The following LEPR variants were observed in gnomAD, a reference collection of about 807,000 sequenced individuals.
LEPR encodes the protein OB receptor.
LEPR carries 56 observed loss-of-function variants against 114.7 expected under a neutral mutation model. That is an observed-to-expected ratio of 0.49 (90% CI 0.39 to 0.61). The LOEUF (loss-of-function observed/expected upper bound fraction) is 0.61. LEPR is among the 20% of genes least tolerant of loss of function. The pLI is 0.00. For missense variants in LEPR, 1,202 were observed against 1,352.9 expected (o/e 0.89, Z 1.75); for synonymous variants, 443 against 461.4 (o/e 0.96, Z 0.51).
At chr1:65,426,894 A>G (rs1367738818) in intron 2 of LEPR, among the ~76,000 whole-genome samples, 1 of 152,164 alleles carries the variant, frequency 6.6e-6, no homozygotes, top group African/African-American at 2.4e-5. Context: ...GCTACTTAGG[A>G]GGCTGAGGCA....
intron 14 of LEPR, among the ~76,000 whole-genome samples, chr1:65,610,581 A>G (rs1240437447): frequency 1.3e-5 from 2 of 152,218 alleles, no homozygotes; most frequent in African/African-American, 4.8e-5. Flanking sequence ...TCATCTGTGT[A>G]AATGTAATAT....
chr1:65,452,513 C>T (rs1438087287), intron 2 of LEPR, among the ~76,000 whole-genome samples: 4 of 152,032 alleles, frequency 2.6e-5, no homozygotes, highest in Non-Finnish European at 4.4e-5. Context: ...TGTCAAATGC[C>T]TTTTCTGCAT....
In LEPR at chr1:65,525,612, C is replaced by T. The variant is rs979410345; in HGVS notation, c.-20-39934C>T. The stretch of plus-strand genomic sequence containing the variant: ...ACCCGACTCTTCCCTCCCTTCTCCC[C>T]ACCCCAGCCTGCTCCTGCTCAGCCC... On this transcript the variant is annotated intron_variant, in intron 2 of 19. Coordinates refer to ENST00000349533, the MANE Select transcript of LEPR (RefSeq NM_002303.6). 6.1e-6 allele frequency: 6 copies of T among 985,468 alleles called. No homozygotes were observed. The African/African-American group carries it at 1.0e-4, about 17-fold the overall frequency. 61.0% of individuals were successfully genotyped at this position (985,468 alleles called of 1,614,324 possible). A position where few individuals can be genotyped will look rare whatever the true frequency, so the allele number is the denominator to read the frequency against.
At chr1:65,529,526 A>G (rs1448525650) in intron 2 of LEPR, among the ~76,000 whole-genome samples, 2 of 138,680 alleles carry the variant, frequency 1.4e-5, no homozygotes, top group Admixed American at 7.2e-5. Context: ...TCTCAAAAAG[A>G]AAAAGAAAGG....
Position 65,636,290 on chromosome 1 carries a change from G to C in LEPR, c.2773G>C (p.Asp925His), listed in dbSNP as rs1437041331. ...AACAATTTCAGAAGATATCAGTGTT[G>C]ATACATCATGGAAAAATAAAGATGA... ...PETISEDISV[D>H]TSWKNKDEMM... The change falls in exon 20 of 20, where the codon GAT becomes CAT. Residue 925 changes from aspartate to histidine, a missense_variant. By Grantham distance (81) the Asp-to-His change is moderately conservative. Coordinates refer to ENST00000349533, the MANE Select transcript of LEPR (RefSeq NM_002303.6). The C allele has an allele frequency of 6.2e-7, 1 of 1,613,914 alleles. No homozygotes were observed. Among genetic ancestry groups the C allele is most frequent in the South Asian group, 1.1e-5 (1 of 91,056 alleles).
chr1:65,555,060 G>A (rs144909193), intron 2 of LEPR, among the ~76,000 whole-genome samples: 10 of 152,246 alleles, frequency 6.6e-5, no homozygotes, highest in African/African-American at 2.4e-4. Flanking sequence ...TAACCAGTAG[G>A]AATGAGATGA....
chr1:65,519,859 TG>T (rs1387679575), intron 2 of LEPR, among the ~76,000 whole-genome samples: 1 of 151,814 alleles, frequency 6.6e-6, no homozygotes, highest in Non-Finnish European at 1.5e-5. Context: ...ATGTTTTTTT[TG>T]TTTTGTTTTG....
intron 15 of LEPR, among the ~76,000 whole-genome samples, chr1:65,617,243 T>G (rs1235484683): frequency 2.0e-5 from 3 of 152,080 alleles, no homozygotes; most frequent in African/African-American, 7.2e-5. Context: ...GATAAGGGCC[T>G]GCAGGAAAGG....
At chr1:65,555,876 GT>G (rs1223001961) in intron 2 of LEPR, among the ~76,000 whole-genome samples, 1 of 152,124 alleles carries the variant, frequency 6.6e-6, no homozygotes, top group Non-Finnish European at 1.5e-5. Context: ...TGTTTGGCAT[GT>G]TTCCATGTCA....
intron 2 of LEPR, chr1:65,432,618 G>A: frequency 1.0e-6 from 1 of 984,264 alleles, no homozygotes; most frequent in Non-Finnish European, 1.2e-6. Context: ...AAGTTCAGAT[G>A]TTCAAGCCTA....
intron 5 of LEPR, among the ~76,000 whole-genome samples, chr1:65,587,915 A>G (rs1010250883): frequency 3.9e-5 from 6 of 152,012 alleles, no homozygotes; most frequent in African/African-American, 7.2e-5. Flanking sequence ...ACACTTTTCC[A>G]TACTGATTTT....
intron 5 of LEPR, among the ~76,000 whole-genome samples, chr1:65,573,038 T>C (rs1654317505): frequency 6.6e-6 from 1 of 152,182 alleles, no homozygotes. Flanking sequence ...GCTCCCCTCG[T>C]CAGAGCAAGA....
chr1:65,539,529 C>T (rs567071676), intron 2 of LEPR, among the ~76,000 whole-genome samples: 6 of 152,226 alleles, frequency 3.9e-5, no homozygotes, highest in East Asian at 1.9e-4. Flanking sequence ...TTTACCATAC[C>T]GGTGCCAAGT....
At chr1:65,596,406 A>C in intron 6 of LEPR, 42 bp from the exon 7 acceptor site, 1 of 1,608,552 alleles carries the variant, frequency 6.2e-7, no homozygotes, top group Non-Finnish European at 8.5e-7. Flanking sequence ...AATTGTCATG[A>C]AAATTACTTG....
chr1:65,445,637 G>GTT (rs564650668), intron 2 of LEPR, among the ~76,000 whole-genome samples: 1 of 146,366 alleles, frequency 6.8e-6, no homozygotes, highest in African/African-American at 2.5e-5. Context: ...ACTGAATAGA[G>GTT]TTTTTTTTTT....
intron 19 of LEPR, among the ~76,000 whole-genome samples, chr1:65,632,384 T>C (rs916219994): frequency 6.6e-6 from 1 of 152,172 alleles, no homozygotes; most frequent in Non-Finnish European, 1.5e-5. Context: ...TTGTTCCTTA[T>C]AGCCCTCAGG....
intron 2 of LEPR, among the ~76,000 whole-genome samples, chr1:65,488,236 C>CTTTCTTTCTTTCTTTCTT (rs1647668301): frequency 9.2e-6 from 1 of 108,468 alleles, no homozygotes; most frequent in Admixed American, 1.1e-4. Flanking sequence ...CTCTTTCTTT[C>CTTTCTTTCTTTCTTTCTT]TTTCTTTCTT....
intron 2 of LEPR, among the ~76,000 whole-genome samples, chr1:65,513,815 G>A (rs1347159300): frequency 6.6e-6 from 1 of 152,114 alleles, no homozygotes; most frequent in Non-Finnish European, 1.5e-5. Context: ...GCCTTTTCAG[G>A]TAATATTCTA....
chr1:65,491,256 C>T (rs1167149434), intron 2 of LEPR, among the ~76,000 whole-genome samples: 1 of 152,078 alleles, frequency 6.6e-6, no homozygotes, highest in East Asian at 1.9e-4. Flanking sequence ...TTGTCATATG[C>T]TTAAAATCCT....
Sources: gnomAD v4.1 joint callset for allele counts (sites outside exome capture counted in the v4.1 genomes callset) on GRCh38, gnomAD v4.1.1 for gene constraint, MANE v1.5 for transcripts, NCBI Gene and HGNC (gene_info 2026-07-23, HGNC 2026-07-21) for gene names.